Variants in GNB1L observed in about 807,000 individuals in gnomAD.
GNB1L encodes guanine nucleotide-binding protein subunit beta-like protein 1.
In GNB1L, 20 loss-of-function variants were observed where a neutral mutation model predicts 29.1. That is an observed-to-expected ratio of 0.69 (90% CI 0.48 to 1.00). GNB1L has a LOEUF of 1.00. GNB1L is among the 50% of genes least tolerant of loss of function. GNB1L has a pLI of 0.00. For synonymous variants in GNB1L, 193 were observed against 206.5 expected, an observed-to-expected ratio of 0.93 and a Z score of 0.56; for missense variants, 421 against 464.9, an observed-to-expected ratio of 0.91 and a Z score of 0.87.
At chr22:19,850,682 G>A in intron 2 of GNB1L, 1 of 1,231,308 alleles carries the variant, frequency 8.1e-7, no homozygotes, top group Non-Finnish European at 1.0e-6. Context: ...AGCTGGGACA[G>A]AAGTCACAGG....
intron 5 of GNB1L, 42 bp downstream of exon 5, chr22:19,812,243 A>G (rs777502151): frequency 1.1e-5 from 17 of 1,596,246 alleles, no homozygotes; most frequent in Non-Finnish European, 1.5e-5. Flanking sequence ...GATGAGCACA[A>G]CTGTTTGGAG....
Position 19,783,391 on chromosome 22 carries a change from A to C in GNB1L, c.*5318T>G. The C allele has an allele frequency of 3.0e-6, 1 of 338,160 alleles. No homozygotes were observed. The highest frequency in any genetic ancestry group is 4.0e-5 in the Admixed American group (1 of 24,692). 20.9% of individuals were successfully genotyped at this position (338,160 alleles called of 1,614,324 possible). A position where few individuals can be genotyped will look rare whatever the true frequency, so the allele number is the denominator to read the frequency against. On this transcript the variant is annotated 3_prime_UTR_variant, in exon 8 of 8. Transcript: ENST00000329517. The stretch of plus-strand genomic sequence containing the variant: ...ACAGATGTGCTGCTGTTCCCAGGCC[A>C]CCTGCACAGCTGGATGGTGGAAGCA...
chr22:19,853,800 T>A (rs1250949526), intron 2 of GNB1L, among the ~76,000 whole-genome samples: 1 of 152,018 alleles, frequency 6.6e-6, no homozygotes, highest in Non-Finnish European at 1.5e-5. Flanking sequence ...GGCCTGGACG[T>A]GAGTCGAGTC....
At chr22:19,853,722 G>C (rs796705440) in intron 2 of GNB1L, among the ~76,000 whole-genome samples, 38 of 152,154 alleles carry the variant, frequency 2.5e-4, no homozygotes, top group African/African-American at 8.7e-4. Flanking sequence ...CCCCTCTGGG[G>C]GGGGGGTCTT....
intron 5 of GNB1L, among the ~76,000 whole-genome samples, chr22:19,808,309 G>C (rs886484329): frequency 6.6e-6 from 1 of 152,180 alleles, no homozygotes; most frequent in African/African-American, 2.4e-5. Context: ...GGGGCCTCAG[G>C]GGGAGCCAAC....
intron 5 of GNB1L, among the ~76,000 whole-genome samples, chr22:19,808,607 C>A (rs1937463453): frequency 6.6e-6 from 1 of 152,170 alleles, no homozygotes; most frequent in African/African-American, 2.4e-5. Flanking sequence ...CATTGATGTC[C>A]AAAAACCAAG....
chr22:19,808,043 C>A (rs12627952), intron 5 of GNB1L, among the ~76,000 whole-genome samples: 31,258 of 152,152 alleles, frequency 0.21, 3,389 homozygotes, highest in South Asian at 0.33. Context: ...TGCCAGGGGC[C>A]CCCACAGCAG....
intron 2 of GNB1L, among the ~76,000 whole-genome samples, chr22:19,831,507 C>T (rs866568087): frequency 4.5e-4 from 68 of 151,622 alleles, no homozygotes; most frequent in African/African-American, 1.4e-3. Flanking sequence ...CTGACTAACA[C>T]GGTGAAACCC....
chr22:19,788,826 G>A lies in GNB1L; in HGVS notation c.867C>T (p.Ala289=), dbSNP rs770328170. The change falls in exon 8 of 8, where the codon GCC becomes GCT. Residue 289 remains alanine (A), a synonymous_variant. Transcript: ENST00000329517. ...VFHWRTMQPL[A]VLAFHSAAVQ... ...CAGCGGCGCTGTGGAAGGCCAGCAC[G>A]GCCAGTGGCTGCATCGTCCGCCAGT... 6.8e-6 allele frequency: 11 copies of A among 1,612,588 alleles called. No individual in the cohort carries two copies. The highest frequency in any genetic ancestry group is 5.3e-5 in the African/African-American group (4 of 74,934).
Position 19,848,143 on chromosome 22 carries a change from A to G in GNB1L, c.-21+6300T>C, listed in dbSNP as rs989259341. Reference sequence around the variant, plus strand: ...TTATCCTTAGTACTTCCTATTTTAAAGTTTTCCTTGCAGACAGGTACTTTA... The same window carrying G: ...TTATCCTTAGTACTTCCTATTTTAAGGTTTTCCTTGCAGACAGGTACTTTA... On this transcript the variant is annotated intron_variant, in intron 2 of 7. Coordinates refer to ENST00000329517, the MANE Select transcript of GNB1L (RefSeq NM_053004.3). 1.1e-5 allele frequency: 11 copies of G among 984,992 alleles called. No individual in the cohort carries two copies. The African/African-American group carries it at 1.8e-4, about 16-fold the overall frequency. The allele number at this position is 984,992 out of a possible 1,614,324, so 61.0% of individuals were successfully genotyped here.
intron 5 of GNB1L, 94 bp from the exon 6 acceptor site, chr22:19,806,851 TGTGA>T: frequency 1.1e-6 from 1 of 888,826 alleles, no homozygotes; most frequent in Non-Finnish European, 1.8e-6. Flanking sequence ...CCCGGGCTGC[TGTGA>T]GTTTCTGTCT....
chr22:19,788,977 A>AG lies in GNB1L; in HGVS notation c.733-18dup, dbSNP rs554767974. On this transcript the variant is annotated splice_polypyrimidine_tract_variant and intron_variant, in intron 7 of 7. Coordinates refer to ENST00000329517, the MANE Select transcript of GNB1L (RefSeq NM_053004.3). ...CCCACGCACCTGTGAGAGTTGGGAG[A>AG]GGTGTTAGGCCACTCCTTAAGCCCA... 294 of 1,587,478 alleles carry AG rather than the reference A, an allele frequency of 1.9e-4. No individual in the cohort carries two copies. The African/African-American group carries it at 3.6e-3, about 20-fold the overall frequency.
At chr22:19,846,474 GA>G (rs1937963568) in intron 2 of GNB1L, 1 of 985,180 alleles carries the variant, frequency 1.0e-6, no homozygotes, top group Admixed American at 6.1e-5. Context: ...GGGCCTGGGG[GA>G]CTCTGCACAC....
chr22:19,792,065 A>G (rs1213493327), intron 7 of GNB1L, among the ~76,000 whole-genome samples: 1 of 152,228 alleles, frequency 6.6e-6, no homozygotes, highest in African/African-American at 2.4e-5. Flanking sequence ...AGAGCAAAAT[A>G]ACAGAACCCA....
chr22:19,798,768 G>A (rs1480371407), intron 7 of GNB1L, among the ~76,000 whole-genome samples: 1 of 152,168 alleles, frequency 6.6e-6, no homozygotes, highest in Non-Finnish European at 1.5e-5. Flanking sequence ...CCAGCTTCCC[G>A]CAGGAAATGA....
chr22:19,821,303 C>T lies in GNB1L; in HGVS notation c.53G>A (p.Gly18Asp), dbSNP rs531274092. The T allele has an allele frequency of 3.4e-5, 55 of 1,613,314 alleles. No individual in the cohort carries two copies. Among genetic ancestry groups the T allele is most frequent in the Admixed American group, 2.2e-4 (13 of 60,022 alleles). ...CAGCGCATGCACCGGTGACTGGGTG[C>T]CTCGGAGGACAAACTGGGGGTCTGG... ...PPPDPQFVLR[G>D]TQSPVHALHF... The change falls in exon 3 of 8, where the codon GGC becomes GAC. Residue 18 changes from glycine (G) to aspartate (D), a missense_variant. By Grantham distance (94) the Gly-to-Asp change is moderately conservative. Transcript: ENST00000329517.
At chr22:19,809,430 C>A (rs1027605129) in intron 5 of GNB1L, among the ~76,000 whole-genome samples, 1 of 152,172 alleles carries the variant, frequency 6.6e-6, no homozygotes, top group Non-Finnish European at 1.5e-5. Flanking sequence ...ATTCTCCAAG[C>A]CCATGTGTGA....
intron 2 of GNB1L, among the ~76,000 whole-genome samples, chr22:19,830,626 T>C (rs766773255): frequency 3.5e-4 from 53 of 152,314 alleles, no homozygotes; most frequent in Admixed American, 5.2e-4. Flanking sequence ...CCCAAATTAA[T>C]TTATAAATTT....
At chr22:19,819,502 G>A (rs753161606) in intron 4 of GNB1L, among the ~76,000 whole-genome samples, 2 of 152,174 alleles carry the variant, frequency 1.3e-5, no homozygotes, top group Non-Finnish European at 2.9e-5. Context: ...CACAGCCATC[G>A]CCATACGTTC....
Sources: allele counts gnomAD v4.1 joint callset (sites outside exome capture counted in the v4.1 genomes callset), GRCh38; gene constraint gnomAD v4.1.1; transcripts MANE v1.5; gene names NCBI Gene and HGNC (gene_info 2026-07-23, HGNC 2026-07-21).